BTF3: variants seen among roughly 807,000 people sequenced by gnomAD.
The protein encoded by BTF3 is basic transcription factor 3.
Under a neutral mutation model 23.9 loss-of-function variants are expected in BTF3, and 12 were observed. The observed-to-expected ratio is 0.50, with a 90% CI of 0.32 to 0.81. The LOEUF is 0.81. Ranked by LOEUF, BTF3 falls within the 40% of genes least tolerant of loss-of-function variation. The pLI, the probability that BTF3 is intolerant of heterozygous loss-of-function variation, is 0.03. For missense variants in BTF3, 215 were observed against 255.9 expected, an observed-to-expected ratio of 0.84 and a Z score of 1.09; for synonymous variants, 96 against 94.8, an observed-to-expected ratio of 1.01 and a Z score of -0.07.
At position 73,498,487 on chromosome 5, in the gene BTF3, C is replaced by T; in HGVS notation, c.-181C>T. ...GTCCCCGCGTGTGTGCGCCTAATCTCAGGTGGTCCACCCGAGACCCCTTGA... is the reference window on the plus strand; with the variant it reads ...GTCCCCGCGTGTGTGCGCCTAATCTTAGGTGGTCCACCCGAGACCCCTTGA... On this transcript the variant is annotated 5_prime_UTR_variant, in exon 1 of 6. Coordinates refer to ENST00000380591, the MANE Select transcript of BTF3 (RefSeq NM_001037637.2). 1 of 813,866 alleles carries T rather than the reference C, an allele frequency of 1.2e-6. No homozygotes were observed. The highest frequency in any genetic ancestry group is 1.7e-6 in the Non-Finnish European group (1 of 578,612). The allele number at this position is 813,866 out of a possible 1,614,324, so 50.4% of individuals were successfully genotyped here. A position where few individuals can be genotyped will look rare whatever the true frequency, so the allele number is the denominator to read the frequency against.
chr5:73,502,459 G>C, intron 2 of BTF3, 29 bp from the exon 3 acceptor site: 1 of 1,517,192 alleles, frequency 6.6e-7, no homozygotes, highest in Non-Finnish European at 8.9e-7. Flanking sequence ...TAAATGTGCT[G>C]TTTTCTTTCC....
rs756363331 is a variant in BTF3, at chr5:73,499,202, A to G, written c.201A>G (p.Lys67=). 6.2e-7 allele frequency: 1 copy of G among 1,613,506 alleles called. No individual in the cohort carries two copies. The highest frequency in any genetic ancestry group is 2.2e-5 in the East Asian group (1 of 44,822). ...KLQAQVRIGG[K]GTARRKKKVV... is the part of the protein sequence containing the mutation. ...AGGCACAAGTGCGCATTGGTGGGAA[A>G]GTAAGTTTTAATAGTTCGGGTTTGT... Residue 67 remains lysine (K), a splice_region_variant and synonymous_variant, in exon 2 of 6, where the codon AAA becomes AAG. Coordinates refer to ENST00000380591, the MANE Select transcript of BTF3 (RefSeq NM_001037637.2).
chr5:73,501,970 C>G (rs1260214113), intron 2 of BTF3, among the ~76,000 whole-genome samples: 4 of 151,982 alleles, frequency 2.6e-5, no homozygotes, highest in African/African-American at 9.7e-5. Context: ...CAGTTTGAGA[C>G]CAGCCTGGCC....
intron 1 of BTF3, 70 bp downstream of exon 1, chr5:73,498,869 A>C: frequency 7.4e-7 from 1 of 1,351,426 alleles, no homozygotes; most frequent in Non-Finnish European, 9.6e-7. Context: ...GGCCAGGGCC[A>C]GGGGTGGGGG....
intron 4 of BTF3, among the ~76,000 whole-genome samples, chr5:73,503,407 T>A (rs1380129501): frequency 6.6e-6 from 1 of 152,176 alleles, no homozygotes; most frequent in Admixed American, 6.5e-5. Flanking sequence ...GCTTTGCCAA[T>A]AACTACTTGT....
Position 73,499,145 on chromosome 5 carries a change from A to C in BTF3, c.144A>C (p.Thr48=). The change falls in exon 2 of 6, where the codon ACA becomes ACC. Residue 48 remains threonine, a synonymous_variant. Transcript: ENST00000380591. ...TCCTCTTTTTCTAGATGAAAGAAAC[A>C]ATCATGAACCAGGAAAAACTCGCCA... ...TRGQEPQMKE[T]IMNQEKLAKL... 6.2e-7 allele frequency: 1 copy of C among 1,609,134 alleles called. No individual in the cohort carries two copies. Among genetic ancestry groups the C allele is most frequent in the Non-Finnish European group, 8.5e-7 (1 of 1,178,962 alleles).
At position 73,498,676 on chromosome 5, in the gene BTF3, G is replaced by A. The variant is rs1310599711; in HGVS notation, c.9G>A (p.Arg3=). Residue 3 remains arginine, a synonymous_variant, in exon 1 of 6, where the codon CGG becomes CGA. Transcript: ENST00000380591. MR[R]TGAPAQADSR... ...AGGAGGAGAGGAAGGCGATGCGACG[G>A]ACAGGCGCACCCGCTCAGGCTGACT... is the stretch of plus-strand genomic sequence containing the variant. 2.0e-6 allele frequency: 3 copies of A among 1,500,874 alleles called. No individual in the cohort carries two copies. Among genetic ancestry groups the A allele is most frequent in the African/African-American group, 1.5e-5 (1 of 68,638 alleles). The allele number at this position is 1,500,874 out of a possible 1,614,324, so 93.0% of individuals were successfully genotyped here.
In BTF3 at chr5:73,505,568, C is replaced by G; in HGVS notation, c.*330C>G. 5.8e-6 allele frequency: 1 copy of G among 172,582 alleles called. No homozygotes were observed. Among genetic ancestry groups the G allele is most frequent in the South Asian group, 1.7e-4 (1 of 5,834 alleles). 10.7% of individuals were successfully genotyped at this position (172,582 alleles called of 1,614,324 possible). A position where few individuals can be genotyped will look rare whatever the true frequency, so the allele number is the denominator to read the frequency against. On this transcript the variant is annotated 3_prime_UTR_variant, in exon 6 of 6. Transcript: ENST00000380591. Reference sequence around the variant, plus strand: ...AAAAAATTGCTTATAGAAAGCTAATCATGGCATGTAATATGGCTGATAACC... The same window carrying G: ...AAAAAATTGCTTATAGAAAGCTAATGATGGCATGTAATATGGCTGATAACC...
chr5:73,502,705 C>T (rs931656124), intron 3 of BTF3, 104 bp downstream of exon 3: 7 of 859,412 alleles, frequency 8.1e-6, no homozygotes, highest in Non-Finnish European at 1.2e-5. Context: ...TTAGGGACTT[C>T]AAAGTCCCTA....
At chr5:73,499,002 G>A (rs1746367344) in intron 1 of BTF3, 132 bp from the exon 2 acceptor site, 7 of 1,256,576 alleles carry the variant, frequency 5.6e-6, no homozygotes, top group Middle Eastern at 2.8e-4. Context: ...GGAGCTTTGC[G>A]GGGTGGATTT....
At position 73,503,194 on chromosome 5, in the gene BTF3, A is replaced by T. The variant is rs1050504145; in HGVS notation, c.517+77A>T. On this transcript the variant is annotated intron_variant, in intron 4 of 5. Transcript: ENST00000380591. ...TTTCTGATCTCAGGGCTCAGAATGG[A>T]TATGAGTATTTTTAAGTTTGGAAAT... is the stretch of plus-strand genomic sequence containing the variant. 6.2e-6 allele frequency: 9 copies of T among 1,443,944 alleles called. No homozygotes were observed. In the African/African-American group the frequency reaches 1.3e-4, roughly 20 times the overall value. The allele number at this position is 1,443,944 out of a possible 1,614,324, so 89.4% of individuals were successfully genotyped here.
intron 2 of BTF3, chr5:73,499,529 G>A (rs1469462256): frequency 2.5e-6 from 1 of 399,606 alleles, no homozygotes; most frequent in African/African-American, 2.1e-5. Flanking sequence ...CCCTTGACTT[G>A]TTTTGGCCTG....
At chr5:73,504,448 GAGAATA>G (rs748991364) in intron 5 of BTF3, 45 bp downstream of exon 5, 16 of 1,525,942 alleles carry the variant, frequency 1.0e-5, no homozygotes, top group Admixed American at 5.8e-5. Context: ...CTTAGCAAGG[GAGAATA>G]AGAAATCTTT....
chr5:73,500,445 ACAT>A (rs1282198486), intron 2 of BTF3, among the ~76,000 whole-genome samples: 1 of 152,170 alleles, frequency 6.6e-6, no homozygotes, highest in Non-Finnish European at 1.5e-5. Context: ...ACTTTGGGAG[ACAT>A]CATTTTAGGG....
chr5:73,505,052 T>TG, intron 5 of BTF3, 140 bp from the exon 6 acceptor site: 1 of 680,898 alleles, frequency 1.5e-6, no homozygotes. Flanking sequence ...TTTTTTTTTT[T>TG]GCATTCTTGT....
intron 2 of BTF3, among the ~76,000 whole-genome samples, chr5:73,500,763 A>G (rs1273836940): frequency 6.6e-6 from 1 of 152,182 alleles, no homozygotes; most frequent in East Asian, 1.9e-4. Flanking sequence ...TGAACTCTAC[A>G]TATGTGAAGT....
rs866966564 is a variant in BTF3 at position 73,498,692 on chromosome 5, C to A, written c.25C>A (p.Gln9Lys). 1 of 1,499,632 alleles carries A rather than the reference C, an allele frequency of 6.7e-7. No individual in the cohort carries two copies. The allele number at this position is 1,499,632 out of a possible 1,614,324, so 92.9% of individuals were successfully genotyped here. Reference sequence around the variant, plus strand: ...GATGCGACGGACAGGCGCACCCGCTCAGGCTGACTCTCGGGGGCGAGGTCG... The same window carrying A: ...GATGCGACGGACAGGCGCACCCGCTAAGGCTGACTCTCGGGGGCGAGGTCG... MRRTGAPAQADSRGRGRAR... is the reference protein window; with the variant it reads MRRTGAPAKADSRGRGRAR... The change falls in exon 1 of 6, where the codon CAG becomes AAG. Residue 9 changes from glutamine (Q) to lysine (K), a missense_variant. By Grantham distance (53) the Gln-to-Lys change is moderately conservative. Coordinates refer to ENST00000380591, the MANE Select transcript of BTF3 (RefSeq NM_001037637.2).
chr5:73,501,933 C>T (rs895978052), intron 2 of BTF3, among the ~76,000 whole-genome samples: 1 of 151,946 alleles, frequency 6.6e-6, no homozygotes, highest in Admixed American at 6.6e-5. Flanking sequence ...TTTGGGAGGC[C>T]GAGGCAGGCG....
At chr5:73,500,395 T>A (rs1046368395) in intron 2 of BTF3, among the ~76,000 whole-genome samples, 7 of 152,222 alleles carry the variant, frequency 4.6e-5, no homozygotes, top group Admixed American at 2.0e-4. Context: ...AATGTGCTTA[T>A]GTGCAGTCTT....
Sources: gnomAD v4.1 joint callset for allele counts (sites outside exome capture counted in the v4.1 genomes callset) on GRCh38, gnomAD v4.1.1 for gene constraint, MANE v1.5 for transcripts, NCBI Gene and HGNC (gene_info 2026-07-23, HGNC 2026-07-21) for gene names.